PRKAG1: variants seen among roughly 807,000 people sequenced by gnomAD.
PRKAG1 encodes the protein 5'-AMP-activated protein kinase subunit gamma-1.
In PRKAG1, 27 loss-of-function variants were observed where a neutral mutation model predicts 48.2. The observed-to-expected ratio is 0.56, with a 90% CI of 0.41 to 0.77. The LOEUF is 0.77. PRKAG1 is among the 30% of genes least tolerant of loss of function. The pLI, the probability that PRKAG1 is intolerant of heterozygous loss-of-function variation, is 0.00. For synonymous variants in PRKAG1, 130 were observed against 147.7 expected, an observed-to-expected ratio of 0.88 and a Z score of 0.87; for missense variants, 287 against 398.3, an observed-to-expected ratio of 0.72 and a Z score of 2.38.
chr12:49,014,544 C>A (rs1453200924), intron 1 of PRKAG1, among the ~76,000 whole-genome samples: 1 of 152,238 alleles, frequency 6.6e-6, no homozygotes, highest in Non-Finnish European at 1.5e-5. Context: ...ACTGGTTCCA[C>A]CATTGTCTAG....
chr12:49,013,321 A>T (rs1444674850), intron 1 of PRKAG1, among the ~76,000 whole-genome samples: 1 of 152,006 alleles, frequency 6.6e-6, no homozygotes, highest in Non-Finnish European at 1.5e-5. Context: ...AGCTCACTTC[A>T]GCCTTGACCT....
Position 49,005,117 on chromosome 12 carries a change from T to C in PRKAG1, c.355+3A>G. On this transcript the variant is annotated splice_donor_region_variant and intron_variant, in intron 6 of 11. Coordinates refer to ENST00000548065, the MANE Select transcript of PRKAG1 (RefSeq NM_002733.5). This position sits in a 1 kb window ranked among gnomAD's most constrained non-coding sequence, Gnocchi z 4.1. ...CCTTTTATAACCCCAATTCTCTACATACCTCTCCAAGTTTCTATCTTGTGT... is the reference window on the plus strand; with the variant it reads ...CCTTTTATAACCCCAATTCTCTACACACCTCTCCAAGTTTCTATCTTGTGT... 1.9e-6 allele frequency: 3 copies of C among 1,613,966 alleles called. No individual in the cohort carries two copies. The highest frequency in any genetic ancestry group is 2.5e-6 in the Non-Finnish European group (3 of 1,179,952).
chr12:49,003,683 G>T (rs572997551), intron 9 of PRKAG1, 74 bp downstream of exon 9: 1 of 1,608,248 alleles, frequency 6.2e-7, no homozygotes, highest in African/African-American at 1.3e-5. Flanking sequence ...TAAGCTGAGG[G>T]GAAAGCAGAT....
At position 49,005,014 on chromosome 12, in the gene PRKAG1, C is replaced by T; in HGVS notation, c.360G>A (p.Val120=). Residue 120 remains valine, a synonymous_variant, in exon 7 of 12, where the codon GTG becomes GTA. Coordinates refer to ENST00000548065, the MANE Select transcript of PRKAG1 (RefSeq NM_002733.5). This position sits in a 1 kb window ranked among gnomAD's most constrained non-coding sequence, Gnocchi z 4.1. The part of the protein sequence containing the change: ...EEHKIETWRE[V]YLQDSFKPLV... Reference sequence around the variant, plus strand: ...GCGGTTTAAAGGAGTCCTGGAGATACACCTCTGAAGGGAAAAGGGATGGGT... The same window carrying T: ...GCGGTTTAAAGGAGTCCTGGAGATATACCTCTGAAGGGAAAAGGGATGGGT... 2 of 1,614,066 alleles carry T rather than the reference C, an allele frequency of 1.2e-6. No individual in the cohort carries two copies. The highest frequency in any genetic ancestry group is 1.3e-5 in the African/African-American group (1 of 75,014).
chr12:49,017,249 G>A, intron 1 of PRKAG1: 1 of 455,062 alleles, frequency 2.2e-6, no homozygotes, highest in African/African-American at 2.0e-5. Context: ...CACTCAGACT[G>A]GAGTGCAGTG....
At chr12:49,014,548 T>C (rs900294876) in intron 1 of PRKAG1, among the ~76,000 whole-genome samples, 11 of 152,220 alleles carry the variant, frequency 7.2e-5, no homozygotes, top group African/African-American at 2.7e-4. Flanking sequence ...GTTCCACCAT[T>C]GTCTAGCTCC....
At chr12:49,003,515 C>T (rs200023236) in intron 10 of PRKAG1, 43 bp downstream of exon 10, 32 of 1,599,458 alleles carry the variant, frequency 2.0e-5, no homozygotes, top group Non-Finnish European at 2.4e-5. Context: ...AGTGCCCCCC[C>T]CCCACCACTT....
chr12:49,017,363 C>CCACCACCAT (rs4018509), intron 1 of PRKAG1: 1 of 356,436 alleles, frequency 2.8e-6, no homozygotes, highest in East Asian at 7.9e-5. Context: ...ACCACCACCA[C>CCACCACCAT]GCCTGGGTAA....
Position 49,005,297 on chromosome 12 carries a change from G to C in PRKAG1, c.309+9C>G. 1 of 1,614,024 alleles carries C rather than the reference G, an allele frequency of 6.2e-7. No individual in the cohort carries two copies. Among genetic ancestry groups the C allele is most frequent in the Non-Finnish European group, 8.5e-7 (1 of 1,179,976 alleles). On this transcript the variant is annotated intron_variant, in intron 5 of 11. Coordinates refer to ENST00000548065, the MANE Select transcript of PRKAG1 (RefSeq NM_002733.5). The surrounding 1 kb of genome is among the most constrained non-coding windows in gnomAD (Gnocchi z 4.1). ...AAGTGATTTTGGTCATTGGGTTAAGGTTCCTTACCAAGGCTGATTTATAGT... is the reference window on the plus strand; with the variant it reads ...AAGTGATTTTGGTCATTGGGTTAAGCTTCCTTACCAAGGCTGATTTATAGT...
intron 7 of PRKAG1, 25 bp from the exon 8 acceptor site, chr12:49,004,658 G>A (rs2137654127): frequency 6.2e-7 from 1 of 1,613,786 alleles, no homozygotes; most frequent in East Asian, 2.2e-5. Flanking sequence ...GAGATAATAA[G>A]TTCCACAGTG....
intron 1 of PRKAG1, 83 bp downstream of exon 1, chr12:49,018,649 T>C: frequency 1.5e-5 from 24 of 1,605,678 alleles, no homozygotes; most frequent in Non-Finnish European, 2.0e-5. Flanking sequence ...CGCCAGCCCC[T>C]GCCCGGCCCT....
chr12:49,012,997 T>C (rs1404277460), intron 2 of PRKAG1, 65 bp downstream of exon 2: 6 of 1,467,668 alleles, frequency 4.1e-6, no homozygotes, highest in Middle Eastern at 1.7e-4. Flanking sequence ...AAAAGCATTG[T>C]TGAAGACATT....
Position 49,003,564 on chromosome 12 carries a change from A to C in PRKAG1, c.735T>G (p.Asp245Glu). The C allele has an allele frequency of 6.2e-7, 1 of 1,600,916 alleles. No individual in the cohort carries two copies. The highest frequency in any genetic ancestry group is 8.5e-7 in the Non-Finnish European group (1 of 1,173,090). The change falls in exon 10 of 12, where the codon GAT becomes GAG. Residue 245 changes from aspartate (D) to glutamate (E), a missense_variant. Transcript: ENST00000548065. The part of the protein sequence containing the change: ...GRVVDIYSKF[D>E]VINLAAEKTY... ...ACCCTCCACAATCACTCACGATAAC[A>C]TCAAACTTGGAGTAGATGTCCACCA...
intron 1 of PRKAG1, among the ~76,000 whole-genome samples, chr12:49,013,545 TATAAGGCTCTTCAGAA>T (rs1347517781): frequency 1.3e-5 from 2 of 152,120 alleles, no homozygotes; most frequent in Non-Finnish European, 2.9e-5. Context: ...CACCCAGCCT[TATAAGGCTCTTCAGAA>T]ATATGATCTC....
chr12:49,007,499 T>C (rs1941590691), intron 2 of PRKAG1, among the ~76,000 whole-genome samples: 1 of 152,194 alleles, frequency 6.6e-6, no homozygotes. Flanking sequence ...TATTTATTTT[T>C]TTAACCAAAG....
chr12:49,005,556 C>G lies in PRKAG1; in HGVS notation c.169-13G>C. 1 of 1,613,988 alleles carries G rather than the reference C, an allele frequency of 6.2e-7. No individual in the cohort carries two copies. Among genetic ancestry groups the G allele is most frequent in the Non-Finnish European group, 8.5e-7 (1 of 1,180,028 alleles). On this transcript the variant is annotated splice_polypyrimidine_tract_variant and intron_variant, in intron 3 of 11. Transcript: ENST00000548065. This position sits in a 1 kb window ranked among gnomAD's most constrained non-coding sequence, Gnocchi z 4.1. Reference sequence around the variant, plus strand: ...AAGCTTTCTTCACCTGTAGCCAAGACAGTAATAATCATAAAGGCAAATCCA... The same window carrying G: ...AAGCTTTCTTCACCTGTAGCCAAGAGAGTAATAATCATAAAGGCAAATCCA...
rs1941504757 is a variant in PRKAG1 at position 49,005,605 on chromosome 12, A to G, written c.169-62T>C. ...CACAGGGGCAGGACTGTAAAAAAAG[A>G]ACAGTGTTTGGGCATGTTGGGTAAA... On this transcript the variant is annotated intron_variant, in intron 3 of 11. Transcript: ENST00000548065. The surrounding 1 kb of genome is among the most constrained non-coding windows in gnomAD (Gnocchi z 4.1). 6.2e-7 allele frequency: 1 copy of G among 1,613,658 alleles called. No homozygotes were observed. The highest frequency in any genetic ancestry group is 1.1e-5 in the South Asian group (1 of 90,996).
At chr12:49,010,979 G>C (rs1255817520) in intron 2 of PRKAG1, among the ~76,000 whole-genome samples, 1 of 151,938 alleles carries the variant, frequency 6.6e-6, no homozygotes, top group Non-Finnish European at 1.5e-5. Context: ...AAGTAGCTGG[G>C]ATTACGGCAC....
intron 1 of PRKAG1, among the ~76,000 whole-genome samples, chr12:49,016,002 G>A (rs1415017745): frequency 1.3e-5 from 2 of 151,130 alleles, no homozygotes; most frequent in Non-Finnish European, 2.9e-5. Flanking sequence ...CTGGAGTGCA[G>A]CGGCATGATC....
Sources: gnomAD v4.1 joint callset for allele counts (sites outside exome capture counted in the v4.1 genomes callset) on GRCh38, gnomAD v4.1.1 for gene constraint, Gnocchi (gnomAD v3.1) non-coding constraint, MANE v1.5 for transcripts, NCBI Gene and HGNC (gene_info 2026-07-23, HGNC 2026-07-21) for gene names.